Variants in CADM2 observed in about 807,000 individuals in gnomAD.
CADM2 encodes cell adhesion molecule 2.
Under a neutral mutation model 49.8 loss-of-function variants are expected in CADM2, and 12 were observed. The observed-to-expected ratio is 0.24, with a 90% CI of 0.15 to 0.39. The LOEUF is 0.39. CADM2 is among the 10% of genes least tolerant of loss of function. CADM2 has a pLI of 1.00. For synonymous variants in CADM2, 214 were observed against 175.4 expected (o/e 1.22, Z -1.74); for missense variants, 378 against 492.3 (o/e 0.77, Z 2.20).
At chr3:85,035,451 T>G (rs1044178726) in intron 1 of CADM2, among the ~76,000 whole-genome samples, 3 of 152,212 alleles carry the variant, frequency 2.0e-5, no homozygotes, top group Non-Finnish European at 4.4e-5. Flanking sequence ...CCATTTTTGC[T>G]TTGGTTTCCT....
chr3:85,115,989 G>A (rs1008156778), intron 1 of CADM2, among the ~76,000 whole-genome samples: 1 of 152,306 alleles, frequency 6.6e-6, no homozygotes, highest in African/African-American at 2.4e-5. Flanking sequence ...ATCTTCATTA[G>A]CAATAGGACT....
intron 1 of CADM2, among the ~76,000 whole-genome samples, chr3:85,340,623 A>C (rs964779926): frequency 6.6e-6 from 1 of 151,492 alleles, no homozygotes; most frequent in African/African-American, 2.4e-5. Flanking sequence ...TTTTTGGCTC[A>C]ATGTATTGAA....
chr3:85,282,913 A>G (rs1338449896), intron 1 of CADM2, among the ~76,000 whole-genome samples: 2 of 152,226 alleles, frequency 1.3e-5, no homozygotes, highest in East Asian at 1.9e-4. Context: ...TGTTTCCAGC[A>G]CAGAGAAATG....
At chr3:85,773,772 A>T (rs1397403663) in intron 2 of CADM2, among the ~76,000 whole-genome samples, 1 of 152,006 alleles carries the variant, frequency 6.6e-6, no homozygotes, top group Non-Finnish European at 1.5e-5. Flanking sequence ...GCCAATCTTG[A>T]TCATTCCTGA....
intron 1 of CADM2, among the ~76,000 whole-genome samples, chr3:85,663,838 G>A (rs1225097383): frequency 6.6e-6 from 1 of 151,932 alleles, no homozygotes; most frequent in African/African-American, 2.4e-5. Context: ...AGTGGTTTAT[G>A]CTATCTGTAC....
chr3:85,313,882 G>A (rs1460472158), intron 1 of CADM2, among the ~76,000 whole-genome samples: 3 of 152,150 alleles, frequency 2.0e-5, no homozygotes, highest in East Asian at 1.9e-4. Flanking sequence ...AATTTAGCTT[G>A]TATTATCTTA....
At chr3:85,824,837 C>A (rs2108203217) in intron 3 of CADM2, among the ~76,000 whole-genome samples, 1 of 151,980 alleles carries the variant, frequency 6.6e-6, no homozygotes, top group African/African-American at 2.4e-5. Context: ...AAATAAAAGG[C>A]AGCTGTGAAA....
At chr3:85,801,506 TA>T (rs1369649572) in intron 2 of CADM2, among the ~76,000 whole-genome samples, 1 of 152,144 alleles carries the variant, frequency 6.6e-6, no homozygotes, top group African/African-American at 2.4e-5. Flanking sequence ...TTTGTATTTC[TA>T]AAAAGAGCTA....
chr3:85,877,347 C>T (rs1712025729), intron 3 of CADM2, among the ~76,000 whole-genome samples: 1 of 151,954 alleles, frequency 6.6e-6, no homozygotes, highest in South Asian at 2.1e-4. Flanking sequence ...AAAGGACATT[C>T]AGGTAATGAT....
rs1703402540 is a variant in CADM2 at position 86,073,733 on chromosome 3, C to T, written c.*6950C>T. On this transcript the variant is annotated 3_prime_UTR_variant, in exon 10 of 10. Coordinates refer to ENST00000383699, the MANE Select transcript of CADM2 (RefSeq NM_001167675.2). The stretch of plus-strand genomic sequence containing the variant: ...ATTGAAAGATGGAACTTTCTTTTTT[C>T]CAGTGACAGGTCATTAAATCGATGG... 6.6e-6 allele frequency: 1 copy of T among 151,528 alleles called. No individual in the cohort carries two copies. The allele number at this position is 151,528 out of a possible 1,614,324, so 9.4% of individuals were successfully genotyped here.
intron 1 of CADM2, among the ~76,000 whole-genome samples, chr3:85,639,719 C>T (rs892607865): frequency 1.3e-5 from 2 of 151,916 alleles, no homozygotes; most frequent in Non-Finnish European, 2.9e-5. Flanking sequence ...GCTTCTAATA[C>T]GAAGGCAAAT....
chr3:85,402,536 C>T (rs1177788568), intron 1 of CADM2, among the ~76,000 whole-genome samples: 1 of 149,804 alleles, frequency 6.7e-6, no homozygotes, highest in Non-Finnish European at 1.5e-5. Context: ...ATATTTTTCT[C>T]AATAAAATCT....
intron 1 of CADM2, among the ~76,000 whole-genome samples, chr3:85,334,624 A>G (rs2045027261): frequency 1.3e-5 from 2 of 151,582 alleles, no homozygotes; most frequent in Admixed American, 1.3e-4. Flanking sequence ...ATTTGCCTAA[A>G]ACTTAGCTAA....
chr3:85,234,921 C>T (rs1468631243), intron 1 of CADM2, among the ~76,000 whole-genome samples: 1 of 152,070 alleles, frequency 6.6e-6, no homozygotes, highest in East Asian at 1.9e-4. Context: ...CTGCTATGAA[C>T]TAACAGAGCT....
intron 8 of CADM2, among the ~76,000 whole-genome samples, chr3:85,968,968 C>T (rs1298506259): frequency 6.6e-6 from 1 of 151,402 alleles, no homozygotes; most frequent in East Asian, 2.0e-4. Flanking sequence ...AAAATTTTTC[C>T]TTGATTCTAT....
At chr3:85,035,636 A>G (rs1044990632) in intron 1 of CADM2, among the ~76,000 whole-genome samples, 2 of 151,996 alleles carry the variant, frequency 1.3e-5, no homozygotes, top group Admixed American at 6.6e-5. Flanking sequence ...ATTCTTCTAC[A>G]TGTGGGTATC....
chr3:84,971,268 A>C (rs181403954), intron 1 of CADM2, among the ~76,000 whole-genome samples: 90 of 152,294 alleles, frequency 5.9e-4, no homozygotes, highest in Admixed American at 3.3e-3. Flanking sequence ...AAAAGTACTG[A>C]TTTTATAGAA....
At position 85,274,924 on chromosome 3, in the gene CADM2, G is replaced by A. The variant is rs2043322189; in HGVS notation, c.61+315256G>A. Reference sequence around the variant, plus strand: ...AACACTGAAAGTGCAGGGGAGTAAGGCTGTGTGTACACGAGAGTCAAAGAA... The same window carrying A: ...AACACTGAAAGTGCAGGGGAGTAAGACTGTGTGTACACGAGAGTCAAAGAA... On this transcript the variant is annotated intron_variant, in intron 1 of 9. Transcript: ENST00000383699. Among the ~76,000 whole-genome samples the A allele has an allele frequency of 1.3e-5, 2 of 151,432 alleles. 1 individual carries two copies. Among genetic ancestry groups the A allele is most frequent in the South Asian group, 4.1e-4 (2 of 4,830 alleles).
intron 1 of CADM2, among the ~76,000 whole-genome samples, chr3:85,205,437 A>T (rs965262759): frequency 2.0e-5 from 3 of 152,176 alleles, no homozygotes; most frequent in Non-Finnish European, 4.4e-5. Flanking sequence ...AAATGTTATA[A>T]GTTTATGTAA....
Sources: allele counts gnomAD v4.1 joint callset (sites outside exome capture counted in the v4.1 genomes callset), GRCh38; gene constraint gnomAD v4.1.1; transcripts MANE v1.5; gene names NCBI Gene and HGNC (gene_info 2026-07-23, HGNC 2026-07-21).